FRK: variants seen among roughly 807,000 people sequenced by gnomAD.
FRK encodes fyn related Src family tyrosine kinase.
A neutral mutation model predicts 56.4 loss-of-function variants in FRK; 51 were observed. The ratio of observed to expected loss-of-function variants is 0.90; its 90% CI spans 0.72 to 1.14. FRK has a LOEUF of 1.14. Among genes scored for constraint, FRK ranks in the 50% most tolerant of loss-of-function variants. The pLI, the probability that FRK is intolerant of heterozygous loss-of-function variation, is 0.00. For missense variants in FRK, 570 were observed against 601.4 expected, an observed-to-expected ratio of 0.95 and a Z score of 0.55; for synonymous variants, 245 against 217.9, an observed-to-expected ratio of 1.12 and a Z score of -1.10.
In FRK at chr6:115,932,407, A is replaced by G. The variant is rs1009706982; in HGVS notation, c.*10007T>C. 6.6e-6 allele frequency: 1 copy of G among 152,226 alleles called. No homozygotes were observed. The highest frequency in any genetic ancestry group is 1.5e-5 in the Non-Finnish European group (1 of 68,034). 9.4% of individuals were successfully genotyped at this position (152,226 alleles called of 1,614,324 possible). A position where few individuals can be genotyped will look rare whatever the true frequency, so the allele number is the denominator to read the frequency against. ...GCATCATGTTGAAGATTATAGACTG[A>G]ATCTTCTACATAATAATTCCAGAAA... On this transcript the variant is annotated 3_prime_UTR_variant, in exon 8 of 8. Transcript: ENST00000606080.
intron 1 of FRK, among the ~76,000 whole-genome samples, chr6:116,050,381 T>C (rs1161479989): frequency 6.6e-6 from 1 of 152,214 alleles, no homozygotes; most frequent in Non-Finnish European, 1.5e-5. Context: ...ATTCCCAAAC[T>C]AATCTTCCAT....
At chr6:116,092,167 A>G in the FRK span, among the ~76,000 whole-genome samples, 1 of 152,148 alleles carries the variant, frequency 6.6e-6, no homozygotes, top group African/African-American at 2.4e-5. Flanking sequence ...TCAGAGGCAT[A>G]ATTTTTGCCC....
At chr6:115,998,433 T>C (rs1405805696) in intron 2 of FRK, among the ~76,000 whole-genome samples, 2 of 152,082 alleles carry the variant, frequency 1.3e-5, no homozygotes, top group Admixed American at 6.6e-5. Flanking sequence ...TTTTCTACCA[T>C]CCCTCCTCGC....
the FRK span, among the ~76,000 whole-genome samples, chr6:116,089,790 A>G: frequency 3.9e-5 from 6 of 152,180 alleles, no homozygotes; most frequent in Admixed American, 6.5e-5. Flanking sequence ...TCACATTCTG[A>G]AATACTGAGG....
intron 1 of FRK, among the ~76,000 whole-genome samples, chr6:116,029,205 G>A (rs1392205454): frequency 6.6e-6 from 1 of 152,014 alleles, no homozygotes; most frequent in Non-Finnish European, 1.5e-5. Context: ...ATCTCACACT[G>A]CTTATTTCTC....
intron 1 of FRK, among the ~76,000 whole-genome samples, chr6:116,032,174 A>C (rs1221090426): frequency 6.6e-6 from 1 of 152,102 alleles, no homozygotes; most frequent in Non-Finnish European, 1.5e-5. Flanking sequence ...TTTTCTGAGA[A>C]GATCAACACA....
intron 2 of FRK, among the ~76,000 whole-genome samples, chr6:115,969,420 G>C (rs931486076): frequency 1.3e-5 from 2 of 152,120 alleles, no homozygotes; most frequent in East Asian, 1.9e-4. Context: ...TAACTAAACC[G>C]TGTTACTTTG....
chr6:116,075,281 A>G, the FRK span, among the ~76,000 whole-genome samples: 1 of 152,102 alleles, frequency 6.6e-6, no homozygotes, highest in Non-Finnish European at 1.5e-5. Context: ...TCTTATGCCC[A>G]AGTCCTCATC....
At chr6:116,045,111 T>C (rs1391161880) in intron 1 of FRK, among the ~76,000 whole-genome samples, 2 of 151,754 alleles carry the variant, frequency 1.3e-5, no homozygotes, top group East Asian at 1.9e-4. Flanking sequence ...AAACATTCCA[T>C]GCTTATGGAT....
the FRK span, among the ~76,000 whole-genome samples, chr6:116,097,403 A>G: frequency 6.6e-6 from 1 of 152,222 alleles, no homozygotes; most frequent in Admixed American, 6.5e-5. Flanking sequence ...ATGTTTAATT[A>G]GGAATATTTA....
intron 5 of FRK, among the ~76,000 whole-genome samples, chr6:115,948,650 T>C (rs1007328247): frequency 1.4e-4 from 21 of 152,222 alleles, no homozygotes; most frequent in African/African-American, 4.8e-4. Context: ...TTGTTAAATC[T>C]ATATCTCTTG....
intron 7 of FRK, 116 bp downstream of exon 7, chr6:115,942,904 A>AGGTAT (rs1177116836): frequency 2.0e-6 from 2 of 996,130 alleles, no homozygotes; most frequent in Non-Finnish European, 3.0e-6. Flanking sequence ...AAGCTCCCGC[A>AGGTAT]GGTATGGTAT....
At chr6:116,012,585 C>T (rs1026592517) in intron 1 of FRK, among the ~76,000 whole-genome samples, 1 of 152,190 alleles carries the variant, frequency 6.6e-6, no homozygotes, top group African/African-American at 2.4e-5. Context: ...ATATCTGTGG[C>T]ATGAAGCACT....
chr6:115,948,739 T>G (rs1393340286), intron 5 of FRK, among the ~76,000 whole-genome samples: 2 of 152,232 alleles, frequency 1.3e-5, no homozygotes, highest in East Asian at 3.8e-4. Context: ...CATATGTATC[T>G]CTAGCTTAGC....
At chr6:115,997,440 CAA>C (rs200897548) in intron 2 of FRK, among the ~76,000 whole-genome samples, 8 of 135,680 alleles carry the variant, frequency 5.9e-5, no homozygotes, top group Admixed American at 7.4e-5. Context: ...TCTCCCTGAC[CAA>C]AAAAAAAAAA....
chr6:115,942,910 G>T, intron 7 of FRK, 110 bp downstream of exon 7: 2 of 1,050,522 alleles, frequency 1.9e-6, no homozygotes, highest in Non-Finnish European at 2.8e-6. Context: ...CCGCAGGTAT[G>T]GTATGGTCAG....
rs1328982516 is a variant in FRK at position 115,968,645 on chromosome 6, G to A, written c.561C>T (p.Asn187=). Reference sequence around the variant, plus strand: ...TCTTGGTGTAGTGGCTCACAAATTCGTTCAGTGTTGAAAAGATTCTTCTTC... The same window carrying A: ...TCTTGGTGTAGTGGCTCACAAATTCATTCAGTGTTGAAAAGATTCTTCTTC... The part of the protein sequence containing the change: ...LTRRRIFSTL[N]EFVSHYTKTS... The change falls in exon 3 of 8, where the codon AAC becomes AAT. Residue 187 remains asparagine (N), a synonymous_variant. Coordinates refer to ENST00000606080, the MANE Select transcript of FRK (RefSeq NM_002031.3). 13 of 1,613,598 alleles carry A rather than the reference G, an allele frequency of 8.1e-6. No individual in the cohort carries two copies. The highest frequency in any genetic ancestry group is 3.3e-5 in the South Asian group (3 of 91,062).
chr6:115,949,791 G>GTATATACAACAGTATATA (rs1772643894), intron 5 of FRK, among the ~76,000 whole-genome samples: 1 of 152,154 alleles, frequency 6.6e-6, no homozygotes. Context: ...ATACTACAAT[G>GTATATACAACAGTATATA]CTACAGTAAA....
chr6:116,067,452 G>A, the FRK span, among the ~76,000 whole-genome samples: 1 of 151,190 alleles, frequency 6.6e-6, no homozygotes, highest in Non-Finnish European at 1.5e-5. Flanking sequence ...CTATTTATTT[G>A]CCTACTGAGT....
Sources: gnomAD v4.1 joint callset for allele counts (sites outside exome capture counted in the v4.1 genomes callset) on GRCh38, gnomAD v4.1.1 for gene constraint, MANE v1.5 for transcripts, NCBI Gene and HGNC (gene_info 2026-07-23, HGNC 2026-07-21) for gene names.